ROBO2: variants seen among roughly 807,000 people sequenced by gnomAD.
ROBO2 encodes roundabout homolog 2.
Under a neutral mutation model 160.8 loss-of-function variants are expected in ROBO2, and 53 were observed. The ratio of observed to expected loss-of-function variants is 0.33; its 90% CI spans 0.26 to 0.41. ROBO2 has a LOEUF of 0.41. Ranked by LOEUF, ROBO2 falls within the 10% of genes least tolerant of loss-of-function variation. The probability of loss-of-function intolerance (pLI) is 1.00; values close to 1 mark genes in which losing one functional copy is unlikely to be tolerated. For synonymous variants in ROBO2, 664 were observed against 611.7 expected, an observed-to-expected ratio of 1.09 and a Z score of -1.26; for missense variants, 1,577 against 1,722.4, an observed-to-expected ratio of 0.92 and a Z score of 1.49.
chr3:77,568,509 CAA>C (rs2093553423), intron 13 of ROBO2, 75 bp downstream of exon 14: 1 of 1,540,218 alleles, frequency 6.5e-7, no homozygotes, highest in African/African-American at 1.4e-5. Context: ...TGCAAATGAA[CAA>C]AGAGTGATAA....
intron 2 of ROBO2, among the ~76,000 whole-genome samples, chr3:77,296,342 C>G (rs187700018): frequency 1.3e-5 from 2 of 150,682 alleles, no homozygotes; most frequent in Non-Finnish European, 3.0e-5. Flanking sequence ...CTAGATCACC[C>G]CAGACATAAA....
At chr3:76,134,185 G>A (rs73116817) in intron 2 of ROBO2, among the ~76,000 whole-genome samples, 12,430 of 152,108 alleles carry the variant, frequency 0.082, 707 homozygotes, top group Non-Finnish European at 0.12. Context: ...TACTTCTGAT[G>A]TAACTTAATT....
At chr3:77,120,879 C>A (rs2074688297) in intron 2 of ROBO2, among the ~76,000 whole-genome samples, 1 of 152,106 alleles carries the variant, frequency 6.6e-6, no homozygotes, top group Admixed American at 6.6e-5. Context: ...CCCTTAGAAA[C>A]CCAAAATAAT....
At chr3:76,943,641 A>G (rs1285563802) in intron 2 of ROBO2, among the ~76,000 whole-genome samples, 1 of 152,244 alleles carries the variant, frequency 6.6e-6, no homozygotes, top group Non-Finnish European at 1.5e-5. Context: ...ACACGTATTC[A>G]TAGTTAAGTA....
chr3:76,732,186 A>G (rs1392583040), intron 2 of ROBO2, among the ~76,000 whole-genome samples: 1 of 152,174 alleles, frequency 6.6e-6, no homozygotes, highest in Non-Finnish European at 1.5e-5. Flanking sequence ...GAGTATGTGT[A>G]GTAGTTTTAC....
chr3:76,812,935 T>TTTTTTTTTC (rs1419449997), intron 2 of ROBO2, among the ~76,000 whole-genome samples: 2 of 145,754 alleles, frequency 1.4e-5, no homozygotes, highest in Non-Finnish European at 3.0e-5. Flanking sequence ...TTTTTTTTTT[T>TTTTTTTTTC]AGCAAATCTC....
rs893376852 is a variant in ROBO2, at chr3:76,796,751, A to C, written c.110-301263A>C. ...AATGTAGACTCTAAATAAAGAGATG[A>C]AAAAAGATATTCCATGCAAATGGAA... On this transcript the variant is annotated intron_variant, in intron 2 of 26. Transcript: ENST00000487694. 2.6e-5 allele frequency among the ~76,000 whole-genome samples: 4 copies of C among 152,130 alleles called. No homozygotes were observed. The South Asian group carries it at 6.2e-4, about 24-fold the overall frequency.
chr3:77,135,989 C>G lies in ROBO2; in HGVS notation c.388+37649C>G, dbSNP rs1341706496. ...ATGTTTGTTTCTATAATTAAAAATA[C>G]CTAAGATTATTGACTGGGTATCTGA... On this transcript the variant is annotated intron_variant, in intron 2 of 25. Transcript: ENST00000461745. Among the ~76,000 whole-genome samples, 21 of 152,158 alleles carry G rather than the reference C, an allele frequency of 1.4e-4. No individual in the cohort carries two copies. In the East Asian group the frequency reaches 4.1e-3, roughly 29 times the overall value.
At chr3:76,481,626 G>T (rs1577509054) in intron 2 of ROBO2, among the ~76,000 whole-genome samples, 1 of 152,228 alleles carries the variant, frequency 6.6e-6, no homozygotes, top group Admixed American at 6.6e-5. Flanking sequence ...TCTGGGAGCT[G>T]GTTAGAAATG....
In ROBO2 at chr3:76,336,105, A is replaced by G. The variant is rs2073873012; in HGVS notation, c.109+398503A>G. On this transcript the variant is annotated intron_variant, in intron 2 of 26. Transcript: ENST00000487694. ...AAAGATTGAACTAGCATTTGCCTGT[A>G]TTCTTGAAGCTGTCATAGGCTCTTT... Among the ~76,000 whole-genome samples the G allele has an allele frequency of 2.0e-5, 3 of 152,324 alleles. No homozygotes were observed. The South Asian group carries it at 6.2e-4, about 32-fold the overall frequency.
At chr3:76,550,734 G>A (rs2083365426) in intron 2 of ROBO2, among the ~76,000 whole-genome samples, 1 of 152,226 alleles carries the variant, frequency 6.6e-6, no homozygotes. Flanking sequence ...CTGGTGTGGA[G>A]CAAAGCTGTG....
At chr3:76,781,270 A>G (rs541651036) in intron 2 of ROBO2, among the ~76,000 whole-genome samples, 1 of 150,812 alleles carries the variant, frequency 6.6e-6, no homozygotes, top group African/African-American at 2.4e-5. Context: ...TTTGTATCCC[A>G]AAACTTCACA....
intron 2 of ROBO2, among the ~76,000 whole-genome samples, chr3:76,930,476 T>C (rs1410422255): frequency 6.6e-6 from 1 of 152,212 alleles, no homozygotes; most frequent in African/African-American, 2.4e-5. Flanking sequence ...ATTTTTTTTA[T>C]CACTGTCTAA....
rs568790421 is a variant in ROBO2 at position 77,641,742 on chromosome 3, T to C, written c.3935-2962T>C. On this transcript the variant is annotated intron_variant, in intron 24 of 25. Transcript: ENST00000461745. ...GAAGATTTCAAAATCTTCAGCAAAGTAATTTCAGAACTAATACATACTTAA... is the reference window on the plus strand; with the variant it reads ...GAAGATTTCAAAATCTTCAGCAAAGCAATTTCAGAACTAATACATACTTAA... Among the ~76,000 whole-genome samples the C allele has an allele frequency of 9.2e-5, 14 of 152,242 alleles. 1 individual carries two copies. The highest frequency in any genetic ancestry group is 3.1e-4 in the African/African-American group (13 of 41,558).
intron 2 of ROBO2, among the ~76,000 whole-genome samples, chr3:77,003,919 C>T (rs1001168468): frequency 6.6e-6 from 1 of 152,028 alleles, no homozygotes; most frequent in Non-Finnish European, 1.5e-5. Context: ...TCTCTCTCTG[C>T]CTGGGATTTA....
chr3:76,440,287 C>T (rs1436365232), intron 2 of ROBO2, among the ~76,000 whole-genome samples: 1 of 151,812 alleles, frequency 6.6e-6, no homozygotes, highest in Non-Finnish European at 1.5e-5. Flanking sequence ...TTTTAGGATA[C>T]ATGTGCACAA....
At chr3:75,921,318 G>A (rs1428516960) in intron 1 of ROBO2, among the ~76,000 whole-genome samples, 1 of 151,028 alleles carries the variant, frequency 6.6e-6, no homozygotes, top group Non-Finnish European at 1.5e-5. Flanking sequence ...ATGAAATTCC[G>A]TATGTACATC....
chr3:77,312,657 C>T (rs938069813), intron 2 of ROBO2, among the ~76,000 whole-genome samples: 1 of 152,114 alleles, frequency 6.6e-6, no homozygotes, highest in African/African-American at 2.4e-5. Flanking sequence ...ATAAAGATCC[C>T]TCTGGCAAAC....
chr3:77,230,339 C>A (rs1016256559), intron 2 of ROBO2, among the ~76,000 whole-genome samples: 4 of 152,128 alleles, frequency 2.6e-5, no homozygotes, highest in African/African-American at 7.2e-5. Context: ...CTCCCTTGGC[C>A]TCCTAAATTG....
Sources: gnomAD v4.1 joint callset for allele counts (sites outside exome capture counted in the v4.1 genomes callset) on GRCh38, gnomAD v4.1.1 for gene constraint, MANE v1.5 for transcripts, NCBI Gene and HGNC (gene_info 2026-07-23, HGNC 2026-07-21) for gene names.